The following RBPJ variants were observed in gnomAD, a reference collection of about 807,000 sequenced individuals.
RBPJ encodes recombining binding protein suppressor of hairless.
RBPJ carries 9 observed loss-of-function variants against 67.8 expected under a neutral mutation model. The ratio of observed to expected loss-of-function variants is 0.13; its 90% CI spans 0.08 to 0.23. The LOEUF is 0.23. Ranked by LOEUF, RBPJ falls within the 10% of genes least tolerant of loss-of-function variation. RBPJ has a pLI of 1.00. For synonymous variants in RBPJ, 198 were observed against 203.3 expected, an observed-to-expected ratio of 0.97 and a Z score of 0.22; for missense variants, 305 against 595.6, an observed-to-expected ratio of 0.51 and a Z score of 5.08.
intron 1 of RBPJ, among the ~76,000 whole-genome samples, chr4:26,369,702 G>A (rs138856348): frequency 6.6e-6 from 1 of 152,050 alleles, no homozygotes; most frequent in Non-Finnish European, 1.5e-5. Context: ...TTAGGAGGTG[G>A]ACAGTTGCCC....
the RBPJ span, among the ~76,000 whole-genome samples, chr4:26,129,646 C>T: frequency 6.6e-5 from 10 of 152,072 alleles, no homozygotes; most frequent in Non-Finnish European, 1.0e-4. Flanking sequence ...TATTGTAAGA[C>T]GGGGTTACCT....
chr4:26,202,064 T>C (rs1303913677), intron 1 of RBPJ, among the ~76,000 whole-genome samples: 4 of 152,240 alleles, frequency 2.6e-5, no homozygotes, highest in Non-Finnish European at 4.4e-5. Flanking sequence ...TTCTGGCTGC[T>C]TCTTCTCAGC....
intron 1 of RBPJ, among the ~76,000 whole-genome samples, chr4:26,209,302 T>C (rs1027081034): frequency 1.3e-5 from 2 of 152,078 alleles, no homozygotes; most frequent in Non-Finnish European, 2.9e-5. Flanking sequence ...TTTGGTTTTC[T>C]TTCTCAATAA....
the RBPJ span, among the ~76,000 whole-genome samples, chr4:26,157,124 C>A: frequency 2.4e-4 from 35 of 148,592 alleles, no homozygotes; most frequent in South Asian, 2.2e-4. Flanking sequence ...AACAAAAAAA[C>A]CCCCAAAACT....
At chr4:26,270,674 C>T (rs1720890087) in intron 1 of RBPJ, among the ~76,000 whole-genome samples, 1 of 151,652 alleles carries the variant, frequency 6.6e-6, no homozygotes, top group Non-Finnish European at 1.5e-5. Context: ...ACTTCATCCC[C>T]CTTGATCTAC....
intron 2 of RBPJ, among the ~76,000 whole-genome samples, chr4:26,389,321 G>A (rs960027398): frequency 6.6e-6 from 1 of 150,862 alleles, no homozygotes; most frequent in African/African-American, 2.4e-5. Flanking sequence ...AAAAACAACA[G>A]AAAACCAAAG....
chr4:26,318,154 T>A (rs1722724402), upstream of RBPJ, among the ~76,000 whole-genome samples: 1 of 151,638 alleles, frequency 6.6e-6, no homozygotes, highest in Non-Finnish European at 1.5e-5. Flanking sequence ...CACACACCCC[T>A]AAAACCTTGA....
intron 7 of RBPJ, among the ~76,000 whole-genome samples, chr4:26,425,263 T>C (rs546259208): frequency 5.6e-4 from 86 of 152,224 alleles, no homozygotes; most frequent in Non-Finnish European, 1.1e-3. Flanking sequence ...GAGCAGGGCA[T>C]AGGATTTAGG....
At chr4:26,351,117 A>T (rs924857985) in intron 1 of RBPJ, among the ~76,000 whole-genome samples, 4 of 152,068 alleles carry the variant, frequency 2.6e-5, no homozygotes, top group African/African-American at 9.7e-5. Flanking sequence ...TGAAAAAATT[A>T]CTTGAGACTA....
chr4:26,320,921 G>A, upstream of RBPJ: 2 of 1,605,490 alleles, frequency 1.2e-6, no homozygotes, highest in Non-Finnish European at 8.5e-7. Context: ...GCGGGGGCTG[G>A]GTGGAATCGA....
chr4:26,356,471 T>TC (rs1727389760), intron 1 of RBPJ, among the ~76,000 whole-genome samples: 1 of 152,172 alleles, frequency 6.6e-6, no homozygotes, highest in African/African-American at 2.4e-5. Context: ...TTCGTTTCCT[T>TC]CCCCAGAGAT....
At chr4:26,185,857 C>T (rs1717229966) in intron 1 of RBPJ, among the ~76,000 whole-genome samples, 1 of 152,134 alleles carries the variant, frequency 6.6e-6, no homozygotes, top group Non-Finnish European at 1.5e-5. Context: ...GCCAGCCTGG[C>T]CAACATGGTG....
chr4:26,315,144 CAAAAAA>C (rs60940172), upstream of RBPJ, among the ~76,000 whole-genome samples: 2 of 10,348 alleles, frequency 1.9e-4, no homozygotes, highest in African/African-American at 3.6e-4. Context: ...GTCTCTGTCT[CAAAAAA>C]AAAAAAAAAA....
chr4:26,209,072 A>C (rs1220250475), intron 1 of RBPJ, among the ~76,000 whole-genome samples: 1 of 134,850 alleles, frequency 7.4e-6, no homozygotes, highest in Non-Finnish European at 1.5e-5. Flanking sequence ...GAAAATGTTT[A>C]ATAACCAGCA....
intron 1 of RBPJ, among the ~76,000 whole-genome samples, chr4:26,178,341 A>C (rs1716866787): frequency 6.6e-6 from 1 of 152,222 alleles, no homozygotes; most frequent in Non-Finnish European, 1.5e-5. Context: ...GTGCTGCAGA[A>C]GTCCCAGGCC....
chr4:26,107,281 ACTC>A, the RBPJ span, among the ~76,000 whole-genome samples: 5 of 152,152 alleles, frequency 3.3e-5, no homozygotes, highest in Non-Finnish European at 5.9e-5. Context: ...CAAATTCAGG[ACTC>A]CTCCTAACAC....
chr4:26,237,011 G>A (rs1719473578), intron 1 of RBPJ, among the ~76,000 whole-genome samples: 1 of 152,182 alleles, frequency 6.6e-6, no homozygotes, highest in South Asian at 2.1e-4. Context: ...AAGCCAGAAA[G>A]CCGTAGAGCT....
At chr4:26,297,334 T>G (rs903297177) in intron 1 of RBPJ, among the ~76,000 whole-genome samples, 3 of 146,800 alleles carry the variant, frequency 2.0e-5, no homozygotes, top group East Asian at 2.0e-4. Context: ...AAAAATCACT[T>G]TGTGTGTGTG....
chr4:26,191,208 TATAGAGAGAGAGAG>T (rs1404137795), intron 1 of RBPJ, among the ~76,000 whole-genome samples: 304 of 27,248 alleles, frequency 0.011, 2 homozygotes, highest in East Asian at 0.02. Flanking sequence ...TATATATATA[TATAGAGAGAGAGAG>T]AGAGAGAGAG....
Sources: allele counts gnomAD v4.1 joint callset (sites outside exome capture counted in the v4.1 genomes callset), GRCh38; gene constraint gnomAD v4.1.1; transcripts MANE v1.5; gene names NCBI Gene and HGNC (gene_info 2026-07-23, HGNC 2026-07-21).